Variants in CARD18 observed in about 807,000 individuals in gnomAD.
CARD18 encodes the protein caspase recruitment domain-containing protein 18.
Under a neutral mutation model 7.9 loss-of-function variants are expected in CARD18, and 7 were observed. The ratio of observed to expected loss-of-function variants is 0.88; its 90% CI spans 0.50 to 1.66. The LOEUF (loss-of-function observed/expected upper bound fraction) is 1.66. Among genes scored for constraint, CARD18 ranks in the 40% most tolerant of loss-of-function variants. The pLI is 0.00. For synonymous variants in CARD18, 34 were observed against 34.8 expected (o/e 0.98, Z 0.08); for missense variants, 134 against 105.5 (o/e 1.27, Z -1.18).
At position 105,138,816 on chromosome 11, in the gene CARD18, G is replaced by C. The variant is rs1865437507; in HGVS notation, c.270C>G (p.His90Gln). Residue 90 changes from histidine to glutamine, a missense_variant, in exon 2 of 3, where the codon CAC (histidine) becomes CAG (glutamine). By Grantham distance (24) the His-to-Gln change is conservative. Transcript: ENST00000530950. ...DPQLASKMGL[H>Q] ...GGTTGAATCATTCCACCTTACCTTA[G>C]TGCAAACCCATCTTTGAGGCAAGTT... 1 of 1,613,470 alleles carries C rather than the reference G, an allele frequency of 6.2e-7. No homozygotes were observed. The highest frequency in any genetic ancestry group is 2.2e-5 in the East Asian group (1 of 44,852).
Sources: gnomAD v4.1 joint callset for allele counts on GRCh38, gnomAD v4.1.1 for gene constraint, MANE v1.5 for transcripts, NCBI Gene and HGNC (gene_info 2026-07-23, HGNC 2026-07-21) for gene names.